Variants in ENPP6 observed in about 807,000 individuals in gnomAD.
The protein encoded by ENPP6 is ectonucleotide pyrophosphatase/phosphodiesterase 6.
Under a neutral mutation model 42.0 loss-of-function variants are expected in ENPP6, and 32 were observed. The ratio of observed to expected loss-of-function variants is 0.76; its 90% CI spans 0.58 to 1.02. ENPP6 has a LOEUF of 1.02. Ranked by LOEUF, ENPP6 falls within the 50% of genes least tolerant of loss-of-function variation. The pLI is 0.00. For missense variants in ENPP6, 552 were observed against 566.8 expected (o/e 0.97, Z 0.27); for synonymous variants, 213 against 216.0 (o/e 0.99, Z 0.12).
chr4:184,178,371 G>GT (rs1454029192), intron 1 of ENPP6, among the ~76,000 whole-genome samples: 1 of 152,132 alleles, frequency 6.6e-6, no homozygotes, highest in Non-Finnish European at 1.5e-5. Context: ...ATGGGATTAG[G>GT]TAAAAAGACC....
rs771372769 is a variant in ENPP6, at chr4:184,124,156, C to T, written c.533+5G>A. Reference sequence around the variant, plus strand: ...AATGGTGTGGCTAGAGTTTGGGACACTTACTTGAAGGAGTCAAGAGCATCG... The same window carrying T: ...AATGGTGTGGCTAGAGTTTGGGACATTTACTTGAAGGAGTCAAGAGCATCG... On this transcript the variant is annotated splice_donor_5th_base_variant and intron_variant, in intron 3 of 7. Transcript: ENST00000296741. 6.2e-7 allele frequency: 1 copy of T among 1,610,800 alleles called. No individual in the cohort carries two copies. The highest frequency in any genetic ancestry group is 1.7e-5 in the Admixed American group (1 of 59,960).
intron 6 of ENPP6, among the ~76,000 whole-genome samples, chr4:184,099,255 A>T (rs912307438): frequency 1.3e-5 from 2 of 152,222 alleles, no homozygotes; most frequent in Admixed American, 6.5e-5. Flanking sequence ...GTCACCTTGC[A>T]CTTCACATCC....
chr4:184,147,951 G>T (rs765454528), intron 2 of ENPP6, among the ~76,000 whole-genome samples: 5 of 152,164 alleles, frequency 3.3e-5, no homozygotes, highest in Non-Finnish European at 7.3e-5. Flanking sequence ...AGCACCTGCT[G>T]CTCCTTGAGT....
intron 1 of ENPP6, among the ~76,000 whole-genome samples, chr4:184,210,270 C>T (rs1486904945): frequency 2.0e-5 from 3 of 147,926 alleles, no homozygotes; most frequent in Non-Finnish European, 4.4e-5. Flanking sequence ...CTAAATGCTC[C>T]AGTTAAAAGA....
intron 6 of ENPP6, among the ~76,000 whole-genome samples, chr4:184,100,510 T>C (rs1400500479): frequency 6.6e-6 from 1 of 152,030 alleles, no homozygotes; most frequent in Non-Finnish European, 1.5e-5. Flanking sequence ...GCCCCAGCCC[T>C]CCAGATCTGG....
chr4:184,190,421 A>G (rs768535145), intron 1 of ENPP6, among the ~76,000 whole-genome samples: 8 of 152,078 alleles, frequency 5.3e-5, no homozygotes, highest in Non-Finnish European at 1.2e-4. Flanking sequence ...AATCGGGGAG[A>G]TATGTCTGAG....
chr4:184,152,874 A>G (rs1376859714), intron 2 of ENPP6, among the ~76,000 whole-genome samples: 1 of 151,850 alleles, frequency 6.6e-6, no homozygotes, highest in Non-Finnish European at 1.5e-5. Flanking sequence ...AGTGCTTTCA[A>G]TTCTCTTTTC....
At chr4:184,122,505 A>T (rs781276908) in intron 3 of ENPP6, among the ~76,000 whole-genome samples, 9 of 151,160 alleles carry the variant, frequency 6.0e-5, no homozygotes, top group Non-Finnish European at 1.3e-4. Context: ...TCTAGAGGAA[A>T]CAGAGCCCAG....
At chr4:184,175,125 C>G (rs899576691) in intron 1 of ENPP6, among the ~76,000 whole-genome samples, 4 of 152,140 alleles carry the variant, frequency 2.6e-5, no homozygotes, top group African/African-American at 7.2e-5. Context: ...TTGCCCAGTG[C>G]CCCACCTTGT....
chr4:184,119,603 C>T (rs904590797), intron 3 of ENPP6, among the ~76,000 whole-genome samples: 45 of 152,236 alleles, frequency 3.0e-4, no homozygotes, highest in African/African-American at 6.0e-4. Flanking sequence ...TCCAAGCCTC[C>T]GTTTTCCCAT....
chr4:184,135,174 C>G (rs1311031648), intron 2 of ENPP6, among the ~76,000 whole-genome samples: 2 of 152,052 alleles, frequency 1.3e-5, no homozygotes, highest in African/African-American at 4.8e-5. Flanking sequence ...CATTCAGCAG[C>G]TAGGTGCAGA....
At chr4:184,179,178 A>G (rs1296116198) in intron 1 of ENPP6, among the ~76,000 whole-genome samples, 1 of 152,258 alleles carries the variant, frequency 6.6e-6, no homozygotes, top group African/African-American at 2.4e-5. Flanking sequence ...GAGATGGAGG[A>G]AAATTTACCA....
intron 5 of ENPP6, among the ~76,000 whole-genome samples, chr4:184,114,768 C>CA (rs11327945): frequency 2.9e-3 from 377 of 129,596 alleles, no homozygotes; most frequent in African/African-American, 0.01. Context: ...TCTTTCTTGC[C>CA]AAAAAAAAAA....
At chr4:184,215,065 C>T (rs761345065) in intron 1 of ENPP6, among the ~76,000 whole-genome samples, 15 of 152,190 alleles carry the variant, frequency 9.9e-5, no homozygotes, top group Non-Finnish European at 1.5e-4. Context: ...CCTGAAATCC[C>T]GGCCTGATGC....
intron 1 of ENPP6, among the ~76,000 whole-genome samples, chr4:184,170,112 G>A (rs62340157): frequency 0.082 from 12,460 of 152,258 alleles, 641 homozygotes; most frequent in South Asian, 0.16. Flanking sequence ...TCTTTAAAAT[G>A]CCTCTGTGAA....
rs778448706 is a variant in ENPP6 at position 184,116,963 on chromosome 4, C to A, written c.748G>T (p.Asp250Tyr). 2 of 1,614,180 alleles carry A rather than the reference C, an allele frequency of 1.2e-6. No individual in the cohort carries two copies. The highest frequency in any genetic ancestry group is 1.7e-6 in the Non-Finnish European group (2 of 1,180,032). The part of the protein sequence containing the change: ...DHGMTDIFWM[D>Y]KVIELNKYIS... ...TACTTATTCAGCTCAATCACTTTGT[C>A]CATCCAGAAAATGTCGGTCATTCCG... Residue 250 changes from aspartate (D) to tyrosine (Y), a missense_variant, in exon 5 of 8, where the codon GAC (aspartate) becomes TAC (tyrosine). Physicochemically the swap from Asp to Tyr is radical, Grantham distance 160 (BLOSUM62 -3). Coordinates refer to ENST00000296741, the MANE Select transcript of ENPP6 (RefSeq NM_153343.4).
chr4:184,166,229 C>T (rs995894839), intron 1 of ENPP6, among the ~76,000 whole-genome samples: 3 of 152,240 alleles, frequency 2.0e-5, no homozygotes, highest in East Asian at 1.9e-4. Context: ...ATGTGCCAGA[C>T]ACAGTCATCG....
intron 1 of ENPP6, among the ~76,000 whole-genome samples, chr4:184,198,054 C>G (rs1732831494): frequency 6.6e-6 from 1 of 152,232 alleles, no homozygotes; most frequent in Admixed American, 6.5e-5. Context: ...GCCCATGGAG[C>G]TTGGCCAGAA....
chr4:184,162,824 C>G (rs912447339), intron 1 of ENPP6, among the ~76,000 whole-genome samples: 1 of 138,786 alleles, frequency 7.2e-6, no homozygotes, highest in Non-Finnish European at 1.7e-5. Context: ...AATAAACAGG[C>G]TGCACAGAGT....
Sources: gnomAD v4.1 joint callset for allele counts (sites outside exome capture counted in the v4.1 genomes callset) on GRCh38, gnomAD v4.1.1 for gene constraint, MANE v1.5 for transcripts, NCBI Gene and HGNC (gene_info 2026-07-23, HGNC 2026-07-21) for gene names.